BOK: variants seen among roughly 807,000 people sequenced by gnomAD.
BOK encodes bcl-2-related ovarian killer protein.
A neutral mutation model predicts 18.3 loss-of-function variants in BOK; 20 were observed. That is an observed-to-expected ratio of 1.09 (90% confidence interval 0.77 to 1.59). The LOEUF (loss-of-function observed/expected upper bound fraction) is 1.59, where lower values mean the gene tolerates loss of function less well. BOK is among the 40% of genes most tolerant of loss of function. The probability of loss-of-function intolerance (pLI) is 0.00; values close to 1 mark genes in which losing one functional copy is unlikely to be tolerated. For missense variants in BOK, 348 were observed against 307.9 expected (o/e 1.13, Z -0.97); for synonymous variants, 173 against 142.4 (o/e 1.21, Z -1.53).
At chr2:241,554,485 G>T (rs1410076897), upstream of BOK, among the ~76,000 whole-genome samples, 26 of 152,154 alleles carry the variant, frequency 1.7e-4, 1 homozygote, top group Admixed American at 1.7e-3. Context: ...GCTGATGGGG[G>T]CCCACCCGCT....
At chr2:241,564,482 C>CA (rs2066579736) in intron 3 of BOK, among the ~76,000 whole-genome samples, 1 of 150,848 alleles carries the variant, frequency 6.6e-6, no homozygotes, top group Admixed American at 6.7e-5. Context: ...CCAGGCCAGG[C>CA]TGAGGCGTGT....
At chr2:241,563,899 G>A (rs2066569638) in intron 3 of BOK, among the ~76,000 whole-genome samples, 1 of 152,236 alleles carries the variant, frequency 6.6e-6, no homozygotes, top group South Asian at 2.1e-4. Context: ...GAGGACCACT[G>A]CCTCTCGCTC....
intron 3 of BOK, among the ~76,000 whole-genome samples, chr2:241,569,170 G>C (rs574133540): frequency 1.3e-5 from 2 of 152,150 alleles, no homozygotes; most frequent in South Asian, 4.1e-4. Context: ...TCGCTCTGTC[G>C]CCCAGGCTGG....
intron 2 of BOK, 101 bp downstream of exon 2, chr2:241,559,804 C>T (rs2066498388): frequency 8.2e-7 from 1 of 1,219,218 alleles, no homozygotes; most frequent in East Asian, 3.2e-5. Context: ...GGGCGCCCAC[C>T]CCCTGCCTGG....
In BOK at chr2:241,559,599, T is replaced by TGCACGC; in HGVS notation, c.119_124dup (p.His40_Ala41dup). The TGCACGC allele has an allele frequency of 1.3e-6, 2 of 1,492,864 alleles. No homozygotes were observed. The highest frequency in any genetic ancestry group is 5.7e-5 in the East Asian group (2 of 35,256). The allele number at this position is 1,492,864 out of a possible 1,614,324, so 92.5% of individuals were successfully genotyped here. A position where few individuals can be genotyped will look rare whatever the true frequency, so the allele number is the denominator to read the frequency against. ...GCCAAGGCGCTGGGCCGGGAGTACG[T>TGCACGC]GCACGCGCGGCTGCTGCGCGCCGGC... On this transcript the variant is annotated inframe_insertion, in exon 2 of 5. Coordinates refer to ENST00000318407, the MANE Select transcript of BOK (RefSeq NM_032515.5).
chr2:241,571,648 G>C (rs2066722479), intron 4 of BOK, among the ~76,000 whole-genome samples: 1 of 152,180 alleles, frequency 6.6e-6, no homozygotes, highest in Non-Finnish European at 1.5e-5. Context: ...GCTGGGCACT[G>C]TGTGCCCAGT....
intron 4 of BOK, among the ~76,000 whole-genome samples, chr2:241,571,295 C>A (rs1335791199): frequency 6.8e-6 from 1 of 147,622 alleles, no homozygotes; most frequent in Non-Finnish European, 1.5e-5. Context: ...CAACTTCCTG[C>A]CCTGCTCCGG....
chr2:241,560,189 G>A, intron 2 of BOK: 1 of 985,466 alleles, frequency 1.0e-6, no homozygotes, highest in Non-Finnish European at 1.2e-6. Flanking sequence ...AGTATTCGTT[G>A]GTGCTGTGAG....
intron 2 of BOK, chr2:241,560,156 C>T (rs985625206): frequency 5.1e-6 from 5 of 985,368 alleles, no homozygotes; most frequent in Non-Finnish European, 6.0e-6. Flanking sequence ...ACTGCGCCCA[C>T]CGGGCTGGGT....
At position 241,569,786 on chromosome 2, in the gene BOK, C is replaced by G. The variant is rs148404063; in HGVS notation, c.350-339C>G. On this transcript the variant is annotated intron_variant, in intron 3 of 4. Transcript: ENST00000318407. ...TTATGTGTAAAATGTGGACGCCAGG[C>G]CTGTTGTGGGAACAGGCAGCCCAGG... Among the ~76,000 whole-genome samples, 4 of 152,302 alleles carry G rather than the reference C, an allele frequency of 2.6e-5. No individual in the cohort carries two copies. The East Asian group carries it at 7.7e-4, about 29-fold the overall frequency.
At chr2:241,555,456 A>G (rs2066443908), upstream of BOK, among the ~76,000 whole-genome samples, 1 of 151,628 alleles carries the variant, frequency 6.6e-6, no homozygotes, top group African/African-American at 2.4e-5. Flanking sequence ...GCTCACCGCA[A>G]CCTCCGACTC....
chr2:241,565,192 C>G (rs1362263398), intron 3 of BOK, among the ~76,000 whole-genome samples: 1 of 152,146 alleles, frequency 6.6e-6, no homozygotes, highest in Non-Finnish European at 1.5e-5. Flanking sequence ...TCCCCCACCC[C>G]ACCCAGCGCC....
Position 241,559,612 on chromosome 2 carries a change from G to C in BOK, c.129G>C (p.Leu43=), listed in dbSNP as rs897362071. 6.8e-7 allele frequency: 1 copy of C among 1,476,586 alleles called. No individual in the cohort carries two copies. The highest frequency in any genetic ancestry group is 1.5e-5 in the African/African-American group (1 of 68,284). 91.5% of individuals were successfully genotyped at this position (1,476,586 alleles called of 1,614,324 possible). ...ALGREYVHAR[L]LRAGLSWSAP... is the part of the protein sequence containing the mutation. ...GCCGGGAGTACGTGCACGCGCGGCT[G>C]CTGCGCGCCGGCCTCTCCTGGAGCG... Residue 43 remains leucine, a synonymous_variant, in exon 2 of 5, where the codon CTG becomes CTC. Transcript: ENST00000318407.
rs1048237538 is a variant in BOK at position 241,567,823 on chromosome 2, A to T, written c.350-2302A>T. The stretch of plus-strand genomic sequence containing the variant: ...ACTCACATGACATAATTATCCACTT[A>T]AAAGTGTGCAATTCAGCAGCATCTG... On this transcript the variant is annotated intron_variant, in intron 3 of 4. Coordinates refer to ENST00000318407, the MANE Select transcript of BOK (RefSeq NM_032515.5). Among the ~76,000 whole-genome samples, 55 of 136,614 alleles carry T rather than the reference A, an allele frequency of 4.0e-4. 12 individuals are homozygous for T. The highest frequency in any genetic ancestry group is 1.5e-3 in the African/African-American group (53 of 35,090). 89.6% of individuals were successfully genotyped at this position (136,614 alleles called of 152,430 possible).
rs1050052524 is a variant in BOK, at chr2:241,562,653, C to T, written c.349+177C>T. Among the ~76,000 whole-genome samples, 1 of 152,242 alleles carries T rather than the reference C, an allele frequency of 6.6e-6. No individual in the cohort carries two copies. Among genetic ancestry groups the T allele is most frequent in the Non-Finnish European group, 1.5e-5 (1 of 68,048 alleles). On this transcript the variant is annotated intron_variant, in intron 3 of 4. Coordinates refer to ENST00000318407, the MANE Select transcript of BOK (RefSeq NM_032515.5). This position sits in a 1 kb window ranked among gnomAD's most constrained non-coding sequence, Gnocchi z 4.5. ...GCCCAGCCACCAGCGTGGGCTCAAA[C>T]CACAGCATTCAGGGTCTCTTGTGGT...
At chr2:241,559,395 C>T in intron 1 of BOK, 60 bp from the exon 2 acceptor site, 1 of 1,126,584 alleles carries the variant, frequency 8.9e-7, no homozygotes, top group Admixed American at 4.3e-5. Context: ...AGCCCGGCGC[C>T]CCGCGCGCCC....
intron 3 of BOK, among the ~76,000 whole-genome samples, chr2:241,565,427 C>T (rs1043584253): frequency 6.6e-6 from 1 of 152,154 alleles, no homozygotes; most frequent in Admixed American, 6.5e-5. Context: ...GCAGTTGCAC[C>T]CCCAGCCCCC....
intron 1 of BOK, among the ~76,000 whole-genome samples, chr2:241,552,080 C>T (rs940799794): frequency 1.3e-5 from 2 of 152,164 alleles, no homozygotes; most frequent in African/African-American, 4.8e-5. Context: ...TGGGGCTGTC[C>T]GGAAGGAGGT....
At chr2:241,568,132 T>A (rs2066644577) in intron 3 of BOK, among the ~76,000 whole-genome samples, 1 of 152,168 alleles carries the variant, frequency 6.6e-6, no homozygotes, top group Non-Finnish European at 1.5e-5. Flanking sequence ...TTTATTTATT[T>A]ATTATTTATT....
Sources: allele counts gnomAD v4.1 joint callset (sites outside exome capture counted in the v4.1 genomes callset), GRCh38; gene constraint gnomAD v4.1.1; non-coding constraint Gnocchi (gnomAD v3.1); transcripts MANE v1.5; gene names NCBI Gene and HGNC (gene_info 2026-07-23, HGNC 2026-07-21).